CNGB3: variants seen among roughly 807,000 people sequenced by gnomAD.
The protein encoded by CNGB3 is cyclic nucleotide-gated channel beta-3.
In CNGB3, 86 loss-of-function variants were observed where a neutral mutation model predicts 92.8. The ratio of observed to expected loss-of-function variants is 0.93; its 90% CI spans 0.78 to 1.11. The LOEUF is 1.11. Ranked by LOEUF, CNGB3 falls within the 50% of genes least tolerant of loss-of-function variation. The pLI, the probability that CNGB3 is intolerant of heterozygous loss-of-function variation, is 0.00. For missense variants in CNGB3, 1,026 were observed against 956.8 expected (o/e 1.07, Z -0.95); for synonymous variants, 333 against 332.7 (o/e 1.00, Z -0.01).
At position 86,575,752 on chromosome 8, in the gene CNGB3, G is replaced by A; in HGVS notation, c.*52C>T. 2 of 1,517,852 alleles carry A rather than the reference G, an allele frequency of 1.3e-6. No individual in the cohort carries two copies. Among genetic ancestry groups the A allele is most frequent in the Non-Finnish European group, 1.8e-6 (2 of 1,095,278 alleles). The allele number at this position is 1,517,852 out of a possible 1,614,324, so 94.0% of individuals were successfully genotyped here. A position where few individuals can be genotyped will look rare whatever the true frequency, so the allele number is the denominator to read the frequency against. On this transcript the variant is annotated 3_prime_UTR_variant, in exon 18 of 18. Transcript: ENST00000320005. ...CTCGTTAATTTAAGTTACAATCCTA[G>A]GTACAATCACTTTGGGAACTAGCTA...
At chr8:86,616,452 T>A (rs907419823) in intron 13 of CNGB3, among the ~76,000 whole-genome samples, 1 of 152,182 alleles carries the variant, frequency 6.6e-6, no homozygotes, top group African/African-American at 2.4e-5. Context: ...ACTATTATTA[T>A]TCTTTTTTTT....
intron 15 of CNGB3, among the ~76,000 whole-genome samples, chr8:86,602,845 T>C (rs1018332668): frequency 1.3e-5 from 2 of 152,234 alleles, no homozygotes; most frequent in African/African-American, 4.8e-5. Flanking sequence ...TAAAACCCTC[T>C]ACTGGCATTC....
intron 14 of CNGB3, among the ~76,000 whole-genome samples, chr8:86,606,357 T>A (rs1031899996): frequency 3.3e-5 from 5 of 151,916 alleles, no homozygotes; most frequent in Admixed American, 3.3e-4. Flanking sequence ...TGCCATGTTG[T>A]CCAGGCTTGT....
Position 86,579,356 on chromosome 8 carries a change from AATC to A in CNGB3, c.1782-107_1782-105del, listed in dbSNP as rs1821718900. 1.3e-5 allele frequency: 17 copies of A among 1,338,578 alleles called. No individual in the cohort carries two copies. In the South Asian group the frequency reaches 1.9e-4, roughly 15 times the overall value. The allele number at this position is 1,338,578 out of a possible 1,614,324, so 82.9% of individuals were successfully genotyped here. On this transcript the variant is annotated intron_variant, in intron 15 of 17. Transcript: ENST00000320005. ...TTATAAGTATTTATACTGCTTCAGA[AATC>A]ATTCCCTAGAGGTGAGGGTCCAGGT...
intron 6 of CNGB3, among the ~76,000 whole-genome samples, chr8:86,663,276 TGTGA>T (rs1282497478): frequency 1.3e-5 from 2 of 152,234 alleles, no homozygotes; most frequent in Non-Finnish European, 2.9e-5. Context: ...GGGCTGTGCA[TGTGA>T]GTGTCTCTTA....
intron 2 of CNGB3, among the ~76,000 whole-genome samples, chr8:86,729,885 A>G (rs1033653097): frequency 3.9e-5 from 6 of 152,234 alleles, no homozygotes; most frequent in Admixed American, 3.9e-4. Context: ...CAGATTTCAT[A>G]GCTGCCCAAA....
chr8:86,660,680 C>T, intron 6 of CNGB3: 1 of 531,162 alleles, frequency 1.9e-6, no homozygotes, highest in Non-Finnish European at 3.9e-6. Context: ...GGCACAGCTA[C>T]AGCCCTGTTT....
At chr8:86,592,992 C>G (rs1377854333) in intron 15 of CNGB3, among the ~76,000 whole-genome samples, 1 of 152,210 alleles carries the variant, frequency 6.6e-6, no homozygotes, top group Non-Finnish European at 1.5e-5. Context: ...CTAAGGCCAC[C>G]TCTGCCTGGG....
At chr8:86,706,542 G>T (rs1824655530) in intron 3 of CNGB3, among the ~76,000 whole-genome samples, 1 of 152,178 alleles carries the variant, frequency 6.6e-6, no homozygotes. Flanking sequence ...TAATCCTGGG[G>T]GAAGTAAAAC....
intron 6 of CNGB3, chr8:86,659,406 G>A: frequency 1.4e-6 from 1 of 717,708 alleles, no homozygotes; most frequent in Non-Finnish European, 2.5e-6. Context: ...GGCCTCTCCA[G>A]CTTCTTTTGC....
chr8:86,644,230 C>G (rs1436606747), intron 9 of CNGB3, among the ~76,000 whole-genome samples: 1 of 151,326 alleles, frequency 6.6e-6, no homozygotes, highest in African/African-American at 2.4e-5. Context: ...GCTCATGAGA[C>G]TTTATGCTAC....
At chr8:86,703,293 G>A (rs1015192413) in intron 3 of CNGB3, among the ~76,000 whole-genome samples, 4 of 151,974 alleles carry the variant, frequency 2.6e-5, no homozygotes, top group Non-Finnish European at 4.4e-5. Context: ...CCACTTACAG[G>A]CAAGGTTAAA....
rs180848716 is a variant in CNGB3 at position 86,661,330 on chromosome 8, C to T, written c.852+5595G>A. 1,994 of 394,864 alleles carry T rather than the reference C, an allele frequency of 5.0e-3. 30 individuals are homozygous for T. The highest frequency in any genetic ancestry group is 3.6e-3 in the Non-Finnish European group (702 of 195,946). The allele number at this position is 394,864 out of a possible 1,614,324, so 24.5% of individuals were successfully genotyped here. A position where few individuals can be genotyped will look rare whatever the true frequency, so the allele number is the denominator to read the frequency against. ...ATTTACGAGTTCCACTGAATAAATC[C>T]TTTTCAAGCAATATTGCTTTGCTTT... On this transcript the variant is annotated intron_variant, in intron 6 of 17. Coordinates refer to ENST00000320005, the MANE Select transcript of CNGB3 (RefSeq NM_019098.5).
chr8:86,622,171 C>T (rs968795729), intron 13 of CNGB3, among the ~76,000 whole-genome samples: 2 of 152,144 alleles, frequency 1.3e-5, no homozygotes, highest in African/African-American at 4.8e-5. Flanking sequence ...TATACAAATA[C>T]ATCAATATGT....
intron 11 of CNGB3, among the ~76,000 whole-genome samples, chr8:86,629,966 T>C (rs534039721): frequency 1.3e-5 from 2 of 152,324 alleles, no homozygotes; most frequent in East Asian, 3.9e-4. Context: ...CCTAAGACTT[T>C]GCTCATTCAT....
chr8:86,585,754 G>T (rs974259671), intron 15 of CNGB3, among the ~76,000 whole-genome samples: 1 of 152,128 alleles, frequency 6.6e-6, no homozygotes, highest in African/African-American at 2.4e-5. Context: ...CAAAGTGGTA[G>T]AAAACTTCAT....
Position 86,694,202 on chromosome 8 carries a change from G to A in CNGB3, c.339-23104C>T, listed in dbSNP as rs571823596. On this transcript the variant is annotated intron_variant, in intron 3 of 17. Coordinates refer to ENST00000320005, the MANE Select transcript of CNGB3 (RefSeq NM_019098.5). ...GACCCCCCCCACCTCCCTCCCGGAC[G>A]GGGCGGCTGGCCGGGCGGGGGGCTG... is the stretch of plus-strand genomic sequence containing the variant. Among the ~76,000 whole-genome samples, 1,081 of 146,642 alleles carry A rather than the reference G, an allele frequency of 7.4e-3. 8 individuals are homozygous for A. Among genetic ancestry groups the A allele is most frequent in the Non-Finnish European group, 0.013 (839 of 65,838 alleles).
intron 3 of CNGB3, among the ~76,000 whole-genome samples, chr8:86,682,806 G>A (rs1824108989): frequency 6.6e-6 from 1 of 152,182 alleles, no homozygotes; most frequent in South Asian, 2.1e-4. Context: ...ATCAGAGTAG[G>A]GAAGGGGGAA....
chr8:86,575,908 G>A lies in CNGB3; in HGVS notation c.2326C>T (p.Pro776Ser), dbSNP rs761227251. ...AGTGATTGACGAGAAGTCCCTCTGG[G>A]TAAAACTGTCCTTCTAACTGAGTGG... Reference protein sequence around the residue: ...EPHSVRRTVLPRGTSRQSLII... With the variant: ...EPHSVRRTVLSRGTSRQSLII... The change falls in exon 18 of 18, where the codon CCC becomes TCC. Residue 776 changes from proline to serine, a missense_variant. Pro to Ser is a moderately conservative substitution (Grantham distance 74). Transcript: ENST00000320005. 1.1e-5 allele frequency: 17 copies of A among 1,613,636 alleles called. No individual in the cohort carries two copies. The East Asian group carries it at 3.6e-4, about 34-fold the overall frequency.
Sources: allele counts gnomAD v4.1 joint callset (sites outside exome capture counted in the v4.1 genomes callset), GRCh38; gene constraint gnomAD v4.1.1; transcripts MANE v1.5; gene names NCBI Gene and HGNC (gene_info 2026-07-23, HGNC 2026-07-21).